SFXN2: variants seen among roughly 807,000 people sequenced by gnomAD.
SFXN2 encodes the protein sideroflexin 2, also known as sideroflexin-2.
Under a neutral mutation model 41.9 loss-of-function variants are expected in SFXN2, and 37 were observed. The ratio of observed to expected loss-of-function variants is 0.88; its 90% CI spans 0.68 to 1.16. The LOEUF (loss-of-function observed/expected upper bound fraction) is 1.16, where lower values mean the gene tolerates loss of function less well. Among genes scored for constraint, SFXN2 ranks in the 50% most tolerant of loss-of-function variants. The probability of loss-of-function intolerance (pLI) is 0.00; values close to 1 mark genes in which losing one functional copy is unlikely to be tolerated. For synonymous variants in SFXN2, 150 were observed against 156.7 expected, an observed-to-expected ratio of 0.96 and a Z score of 0.32; for missense variants, 386 against 425.2, an observed-to-expected ratio of 0.91 and a Z score of 0.81.
intron 9 of SFXN2, 140 bp from the exon 10 acceptor site, chr10:102,733,414 C>A (rs1293338975): frequency 3.0e-6 from 2 of 659,856 alleles, no homozygotes; most frequent in Non-Finnish European, 5.5e-6. Context: ...TCCCAAAGTG[C>A]TGGGATTACA....
intron 3 of SFXN2, 78 bp downstream of exon 3, chr10:102,727,235 A>C: frequency 4.2e-6 from 6 of 1,430,766 alleles, no homozygotes; most frequent in Non-Finnish European, 5.7e-6. Flanking sequence ...TGATAATAAT[A>C]ATAGTTCTCT....
chr10:102,716,965 C>T (rs972721464), intron 1 of SFXN2, among the ~76,000 whole-genome samples: 27 of 152,004 alleles, frequency 1.8e-4, no homozygotes, highest in Admixed American at 1.4e-3. Context: ...GTTGATTGTT[C>T]GTGTTTATAT....
chr10:102,725,699 C>T (rs905342556), intron 1 of SFXN2, among the ~76,000 whole-genome samples: 1 of 151,912 alleles, frequency 6.6e-6, no homozygotes, highest in African/African-American at 2.4e-5. Flanking sequence ...TTGAAACCAG[C>T]CTGGGCAACA....
In SFXN2 at chr10:102,717,680, G is replaced by A. The variant is rs748139680; in HGVS notation, c.-26+2999G>A. On this transcript the variant is annotated intron_variant, in intron 1 of 11. Coordinates refer to ENST00000369893, the MANE Select transcript of SFXN2 (RefSeq NM_178858.6). ...GTTTTGCAACTTCATGAAAGAAAGC[G>A]TGCTCTTAATTCTGTAACCTAGGCA... 3.5e-5 allele frequency: 29 copies of A among 833,932 alleles called. No homozygotes were observed. In the Middle Eastern group the frequency reaches 3.6e-3, roughly 103 times the overall value. The allele number at this position is 833,932 out of a possible 1,614,324, so 51.7% of individuals were successfully genotyped here. A position where few individuals can be genotyped will look rare whatever the true frequency, so the allele number is the denominator to read the frequency against.
At chr10:102,730,894 T>C (rs2064692419) in intron 6 of SFXN2, among the ~76,000 whole-genome samples, 1 of 152,160 alleles carries the variant, frequency 6.6e-6, no homozygotes, top group South Asian at 2.1e-4. Context: ...GAGACCATCC[T>C]GGCTAACACG....
At chr10:102,715,674 A>G (rs939299508) in intron 1 of SFXN2, among the ~76,000 whole-genome samples, 1 of 152,178 alleles carries the variant, frequency 6.6e-6, no homozygotes, top group Non-Finnish European at 1.5e-5. Context: ...GGCCAGGCGC[A>G]GTGGCTCATG....
intron 1 of SFXN2, chr10:102,726,376 C>T: frequency 2.0e-6 from 1 of 489,688 alleles, no homozygotes; most frequent in African/African-American, 1.9e-5. Context: ...GTCCCCTTTT[C>T]CAGTCCCTCC....
chr10:102,726,101 C>T (rs2064588188), intron 1 of SFXN2, among the ~76,000 whole-genome samples: 1 of 151,994 alleles, frequency 6.6e-6, no homozygotes, highest in Admixed American at 6.6e-5. Context: ...AGGTGCCTGG[C>T]ACTGCGCCCG....
intron 5 of SFXN2, 122 bp from the exon 6 acceptor site, chr10:102,729,601 G>A (rs1389776546): frequency 6.1e-6 from 7 of 1,152,050 alleles, no homozygotes; most frequent in Non-Finnish European, 8.7e-6. Context: ...CCCAGACTGG[G>A]TGTCTGGATG....
intron 8 of SFXN2, 121 bp from the exon 9 acceptor site, chr10:102,732,738 A>T: frequency 1.0e-6 from 1 of 961,770 alleles, no homozygotes; most frequent in East Asian, 2.4e-5. Context: ...GCCTAGTGGT[A>T]AGTATTTTCT....
At chr10:102,719,886 G>A (rs1311124909) in intron 1 of SFXN2, among the ~76,000 whole-genome samples, 1 of 152,076 alleles carries the variant, frequency 6.6e-6, no homozygotes, top group Non-Finnish European at 1.5e-5. Context: ...AAAATTATTT[G>A]TACAAAAAAA....
intron 1 of SFXN2, 179 bp from the exon 2 acceptor site, chr10:102,726,433 A>G (rs2064594181): frequency 3.3e-6 from 2 of 610,252 alleles, no homozygotes; most frequent in Non-Finnish European, 5.7e-6. Flanking sequence ...GCCCTCAGGA[A>G]ACACATGTTG....
chr10:102,740,533 T>G lies in SFXN2; in HGVS notation c.*2771T>G, dbSNP rs1842770705. 1 of 152,216 alleles carries G rather than the reference T, an allele frequency of 6.6e-6. No homozygotes were observed. Among genetic ancestry groups the G allele is most frequent in the Non-Finnish European group, 1.5e-5 (1 of 68,070 alleles). The allele number at this position is 152,216 out of a possible 1,614,324, so 9.4% of individuals were successfully genotyped here. A position where few individuals can be genotyped will look rare whatever the true frequency, so the allele number is the denominator to read the frequency against. On this transcript the variant is annotated 3_prime_UTR_variant, in exon 12 of 12. Transcript: ENST00000369893. The stretch of plus-strand genomic sequence containing the variant: ...CACTGCATCTGGTCTCAGAACATTT[T>G]TCTTAGCCCCAAAAGAAACCCCATA...
At position 102,728,531 on chromosome 10, in the gene SFXN2, T is replaced by A; in HGVS notation, c.431+2T>A. Reference sequence around the variant, plus strand: ...TGCGGCTTCCCCCACATCAGTCAGGTAGGAGACCTGAACCCCAGGCTGTCC... The same window carrying A: ...TGCGGCTTCCCCCACATCAGTCAGGAAGGAGACCTGAACCCCAGGCTGTCC... On this transcript the variant is annotated splice_donor_variant, in intron 4 of 11. Transcript: ENST00000369893. LOFTEE classifies it high-confidence loss of function. 6.2e-7 allele frequency: 1 copy of A among 1,613,492 alleles called. No homozygotes were observed. Among genetic ancestry groups the A allele is most frequent in the Non-Finnish European group, 8.5e-7 (1 of 1,179,540 alleles).
At chr10:102,715,039 G>T (rs951181679) in intron 1 of SFXN2, 1 of 152,612 alleles carries the variant, frequency 6.6e-6, no homozygotes, top group Non-Finnish European at 1.5e-5. Flanking sequence ...GGATCGGCCC[G>T]GTTTTTGTTT....
Position 102,731,671 on chromosome 10 carries a change from G to A in SFXN2, c.594-52G>A, listed in dbSNP as rs1340715951. ...GGTCCCCTGGCATGTCATGTGGCTG[G>A]CAGGCTTCCATCACCCCTTTCCCAA... On this transcript the variant is annotated intron_variant, in intron 6 of 11. Coordinates refer to ENST00000369893, the MANE Select transcript of SFXN2 (RefSeq NM_178858.6). 5 of 1,528,052 alleles carry A rather than the reference G, an allele frequency of 3.3e-6. No homozygotes were observed. The African/African-American group carries it at 5.5e-5, about 17-fold the overall frequency. 94.7% of individuals were successfully genotyped at this position (1,528,052 alleles called of 1,614,324 possible). A position where few individuals can be genotyped will look rare whatever the true frequency, so the allele number is the denominator to read the frequency against.
intron 1 of SFXN2, among the ~76,000 whole-genome samples, chr10:102,718,918 CTTTTT>C (rs34471332): frequency 5.4e-5 from 4 of 74,302 alleles, no homozygotes; most frequent in African/African-American, 2.1e-4. Flanking sequence ...TTCTCGGCTT[CTTTTT>C]TTTTTTTTTT....
chr10:102,735,713 G>C lies in SFXN2; in HGVS notation c.822-149G>C, dbSNP rs1039730684. The C allele has an allele frequency of 1.7e-5, 13 of 780,520 alleles. No individual in the cohort carries two copies. In the East Asian group the frequency reaches 2.9e-4, roughly 18 times the overall value. 48.3% of individuals were successfully genotyped at this position (780,520 alleles called of 1,614,324 possible). A position where few individuals can be genotyped will look rare whatever the true frequency, so the allele number is the denominator to read the frequency against. ...CAGAATGAGTATCCTCGCACTGCGG[G>C]AACAGGAGGAGGGTTGGAGGGAGAG... On this transcript the variant is annotated intron_variant, in intron 10 of 11. Coordinates refer to ENST00000369893, the MANE Select transcript of SFXN2 (RefSeq NM_178858.6).
At chr10:102,718,316 T>A (rs768030684) in intron 1 of SFXN2, among the ~76,000 whole-genome samples, 121 of 152,236 alleles carry the variant, frequency 7.9e-4, no homozygotes, top group Non-Finnish European at 1.3e-3. Context: ...GGGGGAGGCA[T>A]AGCATTTTGC....
Sources: gnomAD v4.1 joint callset for allele counts (sites outside exome capture counted in the v4.1 genomes callset) on GRCh38, gnomAD v4.1.1 for gene constraint, MANE v1.5 for transcripts, NCBI Gene and HGNC (gene_info 2026-07-23, HGNC 2026-07-21) for gene names.